Variants in PIK3C2G observed in about 807,000 individuals in gnomAD.
PIK3C2G encodes the protein phosphatidylinositol-4-phosphate 3-kinase catalytic subunit type 2 gamma.
PIK3C2G carries 168 observed loss-of-function variants against 181.1 expected under a neutral mutation model. That is an observed-to-expected ratio of 0.93 (90% CI 0.82 to 1.05). The LOEUF (loss-of-function observed/expected upper bound fraction) is 1.05. Ranked by LOEUF, PIK3C2G falls within the 50% of genes least tolerant of loss-of-function variation. The pLI is 0.00. For missense variants in PIK3C2G, 1,869 were observed against 1,732.8 expected, an observed-to-expected ratio of 1.08 and a Z score of -1.40; for synonymous variants, 573 against 592.2, an observed-to-expected ratio of 0.97 and a Z score of 0.47.
chr12:18,585,015 AC>A (rs763277542), intron 29 of PIK3C2G, among the ~76,000 whole-genome samples: 3 of 152,220 alleles, frequency 2.0e-5, no homozygotes. Flanking sequence ...CTACCACCAG[AC>A]CTGCCTTACA....
chr12:18,282,058 C>G lies in PIK3C2G; in HGVS notation c.-24C>G, dbSNP rs780874778. 7.1e-7 allele frequency: 1 copy of G among 1,402,474 alleles called. No homozygotes were observed. The highest frequency in any genetic ancestry group is 9.9e-7 in the Non-Finnish European group (1 of 1,013,970). The allele number at this position is 1,402,474 out of a possible 1,614,324, so 86.9% of individuals were successfully genotyped here. On this transcript the variant is annotated 5_prime_UTR_variant, in exon 2 of 33. Transcript: ENST00000538779. Reference sequence around the variant, plus strand: ...AGGAGATATTTGGAGCAGAGTCAACCCTCTCAGTTACATAAAATAAAAAAT... The same window carrying G: ...AGGAGATATTTGGAGCAGAGTCAACGCTCTCAGTTACATAAAATAAAAAAT...
At chr12:18,723,380 G>T in the PIK3C2G span, 1 of 1,612,910 alleles carries the variant, frequency 6.2e-7, no homozygotes. Context: ...GCTGCATATT[G>T]TTCTTGTGTC....
intron 24 of PIK3C2G, among the ~76,000 whole-genome samples, chr12:18,510,790 G>A (rs552930275): frequency 9.2e-5 from 14 of 152,168 alleles, no homozygotes; most frequent in East Asian, 5.8e-4. Context: ...ACAATGTGAC[G>A]AAATCAAACT....
intron 17 of PIK3C2G, among the ~76,000 whole-genome samples, chr12:18,421,759 CT>C (rs79447636): frequency 8.8e-4 from 127 of 144,506 alleles, no homozygotes; most frequent in Non-Finnish European, 7.3e-4. Flanking sequence ...TTTAATCCAG[CT>C]TTTTTTTTTT....
chr12:18,588,290 A>C (rs902016359), intron 29 of PIK3C2G, among the ~76,000 whole-genome samples: 6 of 152,166 alleles, frequency 3.9e-5, no homozygotes, highest in African/African-American at 1.4e-4. Context: ...ACAGCAAAAG[A>C]AATAATTAAC....
At chr12:18,673,889 G>A in the PIK3C2G span, among the ~76,000 whole-genome samples, 6 of 152,176 alleles carry the variant, frequency 3.9e-5, no homozygotes, top group Non-Finnish European at 5.9e-5. Context: ...CTTTCACATG[G>A]CAGCTTGCTT....
At chr12:18,629,564 C>T (rs1258051744) in intron 31 of PIK3C2G, among the ~76,000 whole-genome samples, 1 of 152,072 alleles carries the variant, frequency 6.6e-6, no homozygotes, top group Non-Finnish European at 1.5e-5. Flanking sequence ...AATGCTGTTA[C>T]AAATAAAGTC....
At chr12:18,633,382 A>C (rs538224311) in intron 31 of PIK3C2G, among the ~76,000 whole-genome samples, 11 of 152,344 alleles carry the variant, frequency 7.2e-5, no homozygotes, top group African/African-American at 2.4e-4. Context: ...TACTTAAAAT[A>C]GTCATCTCTG....
chr12:18,685,808 C>A, the PIK3C2G span: 1 of 342,384 alleles, frequency 2.9e-6, no homozygotes, highest in Non-Finnish European at 6.1e-6. Flanking sequence ...TCCCTTCCAT[C>A]CTCCTCCTGT....
chr12:18,314,166 T>G, intron 6 of PIK3C2G, 102 bp downstream of exon 6: 1 of 610,560 alleles, frequency 1.6e-6, no homozygotes. Flanking sequence ...TATAGCTTAA[T>G]TAATACATGT....
At chr12:18,628,954 TATAAA>T (rs1356294109) in intron 31 of PIK3C2G, among the ~76,000 whole-genome samples, 60 of 152,216 alleles carry the variant, frequency 3.9e-4, no homozygotes, top group African/African-American at 1.3e-3. Context: ...ATTTAAGAAA[TATAAA>T]ATAATTTTTA....
the PIK3C2G span, chr12:18,687,950 A>AT: frequency 1.8e-6 from 2 of 1,108,432 alleles, no homozygotes; most frequent in Admixed American, 4.9e-5. Flanking sequence ...TGCATATAAC[A>AT]TTTTGCTAAT....
intron 8 of PIK3C2G, among the ~76,000 whole-genome samples, chr12:18,331,305 C>A (rs1375242315): frequency 6.6e-6 from 1 of 152,114 alleles, no homozygotes; most frequent in Non-Finnish European, 1.5e-5. Flanking sequence ...CATGAGAGAT[C>A]AATTTAATCT....
At chr12:18,713,535 C>T in the PIK3C2G span, among the ~76,000 whole-genome samples, 7 of 152,132 alleles carry the variant, frequency 4.6e-5, no homozygotes, top group Non-Finnish European at 7.4e-5. Flanking sequence ...ACAGTGTTGG[C>T]TACACAGTAT....
At chr12:18,534,899 A>G (rs1438277572) in intron 24 of PIK3C2G, among the ~76,000 whole-genome samples, 4 of 152,032 alleles carry the variant, frequency 2.6e-5, no homozygotes, top group Non-Finnish European at 5.9e-5. Context: ...AGGTAAAACC[A>G]CTAATCTAGA....
chr12:18,451,430 T>C (rs934822779), intron 18 of PIK3C2G, among the ~76,000 whole-genome samples: 1 of 152,246 alleles, frequency 6.6e-6, no homozygotes, highest in Non-Finnish European at 1.5e-5. Context: ...TCATTTTGAA[T>C]CCTGAGACTT....
At chr12:18,507,720 A>G (rs1183444458) in intron 24 of PIK3C2G, among the ~76,000 whole-genome samples, 1 of 152,108 alleles carries the variant, frequency 6.6e-6, no homozygotes, top group Non-Finnish European at 1.5e-5. Context: ...GAGTACCCTT[A>G]TTCATTTATT....
At chr12:18,693,667 C>T in the PIK3C2G span, 1 of 1,566,230 alleles carries the variant, frequency 6.4e-7, no homozygotes, top group Non-Finnish European at 8.8e-7. Flanking sequence ...GATATGACTC[C>T]AATTCTGGTG....
chr12:18,257,803 GAA>G (rs750978052), upstream of PIK3C2G, among the ~76,000 whole-genome samples: 82 of 143,524 alleles, frequency 5.7e-4, no homozygotes, highest in East Asian at 0.011. Context: ...AGAAAGAAAA[GAA>G]AGAAAGAAGG....
Sources: gnomAD v4.1 joint callset for allele counts (sites outside exome capture counted in the v4.1 genomes callset) on GRCh38, gnomAD v4.1.1 for gene constraint, MANE v1.5 for transcripts, NCBI Gene and HGNC (gene_info 2026-07-23, HGNC 2026-07-21) for gene names.